Variants in FBXL17 observed in about 807,000 individuals in gnomAD.
The protein encoded by FBXL17 is F-box and leucine rich repeat protein 17.
Under a neutral mutation model 66.2 loss-of-function variants are expected in FBXL17, and 22 were observed. The ratio of observed to expected loss-of-function variants is 0.33; its 90% CI spans 0.24 to 0.47. The LOEUF (loss-of-function observed/expected upper bound fraction) is 0.47, where lower values mean the gene tolerates loss of function less well. FBXL17 is among the 20% of genes least tolerant of loss of function. The pLI is 1.00. For missense variants in FBXL17, 878 were observed against 948.2 expected (o/e 0.93, Z 0.97); for synonymous variants, 474 against 400.5 (o/e 1.18, Z -2.19).
intron 4 of FBXL17, among the ~76,000 whole-genome samples, chr5:108,288,310 A>T (rs1331842956): frequency 1.3e-5 from 2 of 152,040 alleles, no homozygotes; most frequent in African/African-American, 4.8e-5. Flanking sequence ...TTAGAAAAAA[A>T]AAAAAGTTGT....
At chr5:107,953,109 A>C (rs1283574822) in intron 7 of FBXL17, among the ~76,000 whole-genome samples, 3 of 152,080 alleles carry the variant, frequency 2.0e-5, no homozygotes, top group Non-Finnish European at 4.4e-5. Flanking sequence ...TTAAAAAAAA[A>C]AGGCAGATGT....
chr5:107,881,242 T>A (rs924888383), intron 7 of FBXL17, 63 bp from the exon 8 acceptor site: 13 of 945,520 alleles, frequency 1.4e-5, no homozygotes, highest in Non-Finnish European at 1.7e-5. Context: ...TATCTTATTA[T>A]GACTATTCAT....
chr5:107,922,084 G>A (rs931059540), intron 7 of FBXL17, among the ~76,000 whole-genome samples: 1 of 152,128 alleles, frequency 6.6e-6, no homozygotes, highest in African/African-American at 2.4e-5. Flanking sequence ...CTTAGCGTAT[G>A]GAACATTTCA....
At chr5:108,228,934 G>A (rs1312603906) in intron 4 of FBXL17, among the ~76,000 whole-genome samples, 1 of 152,178 alleles carries the variant, frequency 6.6e-6, no homozygotes, top group African/African-American at 2.4e-5. Context: ...AATTTAATTT[G>A]TTGGGTACAG....
At chr5:107,870,142 G>A (rs1324249848) in intron 8 of FBXL17, among the ~76,000 whole-genome samples, 1 of 152,162 alleles carries the variant, frequency 6.6e-6, no homozygotes, top group Non-Finnish European at 1.5e-5. Flanking sequence ...CCAAAACATA[G>A]ATCAGGTGAG....
intron 1 of FBXL17, among the ~76,000 whole-genome samples, chr5:108,370,295 A>C (rs1240899190): frequency 6.6e-6 from 1 of 152,180 alleles, no homozygotes; most frequent in Non-Finnish European, 1.5e-5. Flanking sequence ...TTCAATTATA[A>C]TTATTACCTA....
At chr5:107,870,391 T>C (rs997132496) in intron 8 of FBXL17, among the ~76,000 whole-genome samples, 1 of 152,160 alleles carries the variant, frequency 6.6e-6, no homozygotes, top group African/African-American at 2.4e-5. Flanking sequence ...GTGGTAAAAA[T>C]GGACTGGCTT....
intron 6 of FBXL17, among the ~76,000 whole-genome samples, chr5:108,034,695 T>C (rs1050439767): frequency 6.6e-6 from 1 of 152,202 alleles, no homozygotes; most frequent in Non-Finnish European, 1.5e-5. Flanking sequence ...CTGCTTTGTA[T>C]TATTAGAGAG....
chr5:108,081,704 C>G (rs1748774727), intron 6 of FBXL17, among the ~76,000 whole-genome samples: 1 of 151,994 alleles, frequency 6.6e-6, no homozygotes. Flanking sequence ...GCCTGGGCGA[C>G]AGAGTGAGAC....
intron 7 of FBXL17, among the ~76,000 whole-genome samples, chr5:107,912,449 A>G (rs1217101429): frequency 6.6e-6 from 1 of 152,142 alleles, no homozygotes; most frequent in African/African-American, 2.4e-5. Flanking sequence ...AATAAAACAT[A>G]GTATATTCAT....
At chr5:108,130,293 A>C (rs1306256126) in intron 6 of FBXL17, among the ~76,000 whole-genome samples, 2 of 151,896 alleles carry the variant, frequency 1.3e-5, no homozygotes, top group Non-Finnish European at 2.9e-5. Flanking sequence ...ATTCTAACCC[A>C]AGAAGCATAA....
rs1449598799 is a variant in FBXL17 at position 108,367,967 on chromosome 5, A to G, written c.994-14T>C. 5.2e-6 allele frequency: 8 copies of G among 1,549,110 alleles called. No individual in the cohort carries two copies. Among genetic ancestry groups the G allele is most frequent in the Admixed American group, 2.0e-5 (1 of 50,712 alleles). ...ATTGGAAAATATCTGTGAATAAAAAACGGTACCATATAATATGTGCTAAAC... is the reference window on the plus strand; with the variant it reads ...ATTGGAAAATATCTGTGAATAAAAAGCGGTACCATATAATATGTGCTAAAC... On this transcript the variant is annotated splice_polypyrimidine_tract_variant and intron_variant, in intron 1 of 8. Transcript: ENST00000542267.
chr5:108,364,659 G>GT, intron 3 of FBXL17, 79 bp downstream of exon 3: 1 of 1,150,904 alleles, frequency 8.7e-7, no homozygotes, highest in Admixed American at 2.2e-5. Flanking sequence ...TATTTTTAAC[G>GT]TAACCATTTA....
rs112872779 is a variant in FBXL17, at chr5:108,349,759, C to A, written c.1375-1229G>T. Among the ~76,000 whole-genome samples, 1,498 of 152,212 alleles carry A rather than the reference C, an allele frequency of 9.8e-3. 24 individuals carry two copies. Among genetic ancestry groups the A allele is most frequent in the African/African-American group, 0.034 (1,394 of 41,522 alleles). On this transcript the variant is annotated intron_variant, in intron 3 of 8. Transcript: ENST00000542267. The stretch of plus-strand genomic sequence containing the variant: ...CAAATACAAGAAACCATGATTTTGG[C>A]CTCATATACTACTAAATTCCAGTTA...
At chr5:108,177,972 A>T (rs541171296) in intron 6 of FBXL17, among the ~76,000 whole-genome samples, 23 of 144,968 alleles carry the variant, frequency 1.6e-4, no homozygotes, top group South Asian at 1.1e-3. Context: ...TACATGGCCA[A>T]TCATGGTTTT....
At chr5:107,967,422 G>A (rs1752191223) in intron 7 of FBXL17, among the ~76,000 whole-genome samples, 1 of 150,730 alleles carries the variant, frequency 6.6e-6, no homozygotes, top group African/African-American at 2.4e-5. Flanking sequence ...AGAGCTGGCA[G>A]TCTATATTTT....
chr5:108,380,116 CACT>C (rs1749737388), intron 1 of FBXL17, among the ~76,000 whole-genome samples: 1 of 152,198 alleles, frequency 6.6e-6, no homozygotes, highest in Non-Finnish European at 1.5e-5. Context: ...CTGCCTGACT[CACT>C]ACTATAAACC....
chr5:107,879,535 ACATAACTAGCTGG>A (rs1335063867), intron 8 of FBXL17: 2 of 985,334 alleles, frequency 2.0e-6, no homozygotes, highest in African/African-American at 3.5e-5. Context: ...ATTTCTCTAA[ACATAACTAGCTGG>A]CAAAGGTCTC....
intron 6 of FBXL17, among the ~76,000 whole-genome samples, chr5:108,131,183 T>C (rs1750918766): frequency 6.6e-6 from 1 of 152,192 alleles, no homozygotes; most frequent in African/African-American, 2.4e-5. Context: ...AAATTATTAC[T>C]TCCTGGTTAC....
Sources: allele counts gnomAD v4.1 joint callset (sites outside exome capture counted in the v4.1 genomes callset), GRCh38; gene constraint gnomAD v4.1.1; transcripts MANE v1.5; gene names NCBI Gene and HGNC (gene_info 2026-07-23, HGNC 2026-07-21).